SLC17A8: variants seen among roughly 807,000 people sequenced by gnomAD.
SLC17A8 encodes the protein solute carrier family 17 member 8, also known as vesicular glutamate transporter 3.
Under a neutral mutation model 58.0 loss-of-function variants are expected in SLC17A8, and 31 were observed. The ratio of observed to expected loss-of-function variants is 0.53; its 90% CI spans 0.40 to 0.72. SLC17A8 has a LOEUF of 0.72. Among genes scored for constraint, SLC17A8 ranks in the 30% least tolerant of loss-of-function variants. SLC17A8 has a pLI of 0.00. For missense variants in SLC17A8, 655 were observed against 727.8 expected, an observed-to-expected ratio of 0.90 and a Z score of 1.15; for synonymous variants, 228 against 249.0, an observed-to-expected ratio of 0.92 and a Z score of 0.79.
chr12:100,399,649 T>A (rs1327777551), intron 5 of SLC17A8, among the ~76,000 whole-genome samples: 1 of 151,708 alleles, frequency 6.6e-6, no homozygotes, highest in Non-Finnish European at 1.5e-5. Flanking sequence ...TCTCATGAGA[T>A]CTCACTCACT....
At chr12:100,391,197 C>A in intron 3 of SLC17A8, 78 bp downstream of exon 3, 1 of 1,008,038 alleles carries the variant, frequency 9.9e-7, no homozygotes, top group South Asian at 1.3e-5. Flanking sequence ...AGCTGGCTCT[C>A]AATTTGGGGG....
Position 100,357,228 on chromosome 12 carries a change from C to A in SLC17A8, c.-164C>A. The A allele has an allele frequency of 3.1e-6, 2 of 654,188 alleles. No homozygotes were observed. Among genetic ancestry groups the A allele is most frequent in the Non-Finnish European group, 2.8e-6 (1 of 358,874 alleles). The allele number at this position is 654,188 out of a possible 1,614,324, so 40.5% of individuals were successfully genotyped here. Reference sequence around the variant, plus strand: ...GGGAGTTGTCTTATCTTGGAAGATCCGAGCTGGGTTTCATCTCCTTTTTGA... The same window carrying A: ...GGGAGTTGTCTTATCTTGGAAGATCAGAGCTGGGTTTCATCTCCTTTTTGA... On this transcript the variant is annotated 5_prime_UTR_variant, in exon 1 of 12. Coordinates refer to ENST00000323346, the MANE Select transcript of SLC17A8 (RefSeq NM_139319.3).
intron 2 of SLC17A8, among the ~76,000 whole-genome samples, chr12:100,381,436 A>G (rs568590465): frequency 6.6e-6 from 1 of 152,276 alleles, no homozygotes; most frequent in South Asian, 2.1e-4. Context: ...CTCATAGGAG[A>G]GGGCACAGCC....
intron 3 of SLC17A8, among the ~76,000 whole-genome samples, chr12:100,392,058 C>T (rs535009190): frequency 6.6e-6 from 1 of 152,170 alleles, no homozygotes; most frequent in East Asian, 1.9e-4. Flanking sequence ...AGGAGGATGG[C>T]CACTTGGGGG....
At chr12:100,365,353 C>T (rs1225266458) in intron 1 of SLC17A8, among the ~76,000 whole-genome samples, 2 of 152,074 alleles carry the variant, frequency 1.3e-5, no homozygotes, top group Non-Finnish European at 2.9e-5. Flanking sequence ...TTGAGTTTTG[C>T]CAGAAACCTC....
intron 1 of SLC17A8, among the ~76,000 whole-genome samples, chr12:100,368,729 T>G (rs1430209067): frequency 6.6e-6 from 1 of 152,214 alleles, no homozygotes; most frequent in East Asian, 1.9e-4. Flanking sequence ...TTCTCTCCTT[T>G]TACAACTTCT....
chr12:100,377,411 C>T (rs1053167555), intron 1 of SLC17A8, among the ~76,000 whole-genome samples: 1 of 151,626 alleles, frequency 6.6e-6, no homozygotes, highest in Non-Finnish European at 1.5e-5. Context: ...ATTATAATTC[C>T]TAGCTTACAG....
intron 10 of SLC17A8, among the ~76,000 whole-genome samples, chr12:100,414,909 A>AGCT (rs1257834435): frequency 3.3e-5 from 5 of 152,294 alleles, no homozygotes; most frequent in African/African-American, 4.8e-5. Context: ...AGTTCCCCAG[A>AGCT]GCTGCTGCTG....
At chr12:100,368,837 A>G (rs114137078) in intron 1 of SLC17A8, among the ~76,000 whole-genome samples, 1 of 152,204 alleles carries the variant, frequency 6.6e-6, no homozygotes, top group Admixed American at 6.5e-5. Flanking sequence ...ACCATATTAT[A>G]TATTTTGACA....
chr12:100,418,284 A>T, intron 11 of SLC17A8, 128 bp downstream of exon 11: 2 of 1,183,216 alleles, frequency 1.7e-6, no homozygotes, highest in South Asian at 1.3e-5. Context: ...AGTCAGCTGA[A>T]CTTCTTTTTT....
intron 1 of SLC17A8, among the ~76,000 whole-genome samples, chr12:100,377,893 G>A (rs928848156): frequency 6.6e-6 from 1 of 152,104 alleles, no homozygotes; most frequent in Non-Finnish European, 1.5e-5. Flanking sequence ...CAGCCTGATG[G>A]CTTCAAGATT....
chr12:100,385,977 T>C (rs1952671850), intron 2 of SLC17A8, among the ~76,000 whole-genome samples: 2 of 152,170 alleles, frequency 1.3e-5, no homozygotes, highest in Non-Finnish European at 2.9e-5. Flanking sequence ...CATGTCTGCC[T>C]CCATCTTCAC....
intron 1 of SLC17A8, among the ~76,000 whole-genome samples, chr12:100,379,669 A>G (rs1367027577): frequency 6.6e-6 from 1 of 152,210 alleles, no homozygotes; most frequent in Non-Finnish European, 1.5e-5. Context: ...AACTTCCTTT[A>G]TAATTGACAG....
At chr12:100,390,259 C>T (rs1260506726) in intron 2 of SLC17A8, among the ~76,000 whole-genome samples, 1 of 151,968 alleles carries the variant, frequency 6.6e-6, no homozygotes, top group African/African-American at 2.4e-5. Context: ...GTCACCATGA[C>T]CATTAATATA....
At position 100,405,454 on chromosome 12, in the gene SLC17A8, G is replaced by A. The variant is rs1005458329; in HGVS notation, c.1186+1284G>A. Reference sequence around the variant, plus strand: ...GGAGTTTATCCTGCATTATCTAGGTGGGCCCAATATAATCACAATAATCCT... The same window carrying A: ...GGAGTTTATCCTGCATTATCTAGGTAGGCCCAATATAATCACAATAATCCT... On this transcript the variant is annotated intron_variant, in intron 9 of 11. Coordinates refer to ENST00000323346, the MANE Select transcript of SLC17A8 (RefSeq NM_139319.3). 1.4e-4 allele frequency among the ~76,000 whole-genome samples: 21 copies of A among 152,190 alleles called. No homozygotes were observed. In the East Asian group the frequency reaches 3.9e-3, roughly 28 times the overall value.
intron 9 of SLC17A8, among the ~76,000 whole-genome samples, chr12:100,409,817 C>T (rs1952853738): frequency 6.6e-6 from 1 of 152,184 alleles, no homozygotes; most frequent in Non-Finnish European, 1.5e-5. Flanking sequence ...GGTTAGAAAA[C>T]AGCTAATAGA....
intron 4 of SLC17A8, among the ~76,000 whole-genome samples, chr12:100,395,260 G>T (rs1952744849): frequency 6.6e-6 from 1 of 152,010 alleles, no homozygotes; most frequent in Non-Finnish European, 1.5e-5. Flanking sequence ...ATGCTGTTTA[G>T]TGTCTGTTTT....
intron 1 of SLC17A8, 136 bp from the exon 2 acceptor site, chr12:100,380,565 A>C: frequency 1.6e-6 from 1 of 630,334 alleles, no homozygotes; most frequent in Non-Finnish European, 2.6e-6. Flanking sequence ...AATAATAGTA[A>C]TACCTCCATA....
At chr12:100,413,497 T>C (rs561546000) in intron 10 of SLC17A8, among the ~76,000 whole-genome samples, 2 of 152,302 alleles carry the variant, frequency 1.3e-5, no homozygotes, top group African/African-American at 4.8e-5. Context: ...TATTAAGCCC[T>C]GTCTCTCTCA....
Sources: allele counts gnomAD v4.1 joint callset (sites outside exome capture counted in the v4.1 genomes callset), GRCh38; gene constraint gnomAD v4.1.1; transcripts MANE v1.5; gene names NCBI Gene and HGNC (gene_info 2026-07-23, HGNC 2026-07-21).